Variants in SDK1 observed in about 807,000 individuals in gnomAD.
SDK1 encodes protein sidekick-1.
SDK1 carries 157 observed loss-of-function variants against 245.5 expected under a neutral mutation model. That is an observed-to-expected ratio of 0.64 (90% CI 0.56 to 0.73). SDK1 has a LOEUF of 0.73. SDK1 is among the 30% of genes least tolerant of loss of function. SDK1 has a pLI of 0.00. For synonymous variants in SDK1, 1,647 were observed against 1,278.5 expected, an observed-to-expected ratio of 1.29 and a Z score of -6.15; for missense variants, 3,583 against 3,002.3, an observed-to-expected ratio of 1.19 and a Z score of -4.52.
chr7:3,709,162 T>A (rs1201429917), intron 4 of SDK1, among the ~76,000 whole-genome samples: 1 of 152,260 alleles, frequency 6.6e-6, no homozygotes, highest in Non-Finnish European at 1.5e-5. Context: ...AGCATTTATT[T>A]GTCTGAAAAT....
At chr7:4,036,976 G>T (rs733858) in intron 17 of SDK1, among the ~76,000 whole-genome samples, 1 of 152,134 alleles carries the variant, frequency 6.6e-6, no homozygotes, top group Non-Finnish European at 1.5e-5. Flanking sequence ...GCCCAAAGAC[G>T]TCATTTAAGA....
At chr7:3,958,066 C>T (rs1249158918) in intron 7 of SDK1, 4 of 468,352 alleles carry the variant, frequency 8.5e-6, no homozygotes, top group Non-Finnish European at 1.8e-5. Context: ...AAGATACAGT[C>T]AATATAGGAG....
At chr7:3,445,719 T>C (rs1780322510) in intron 1 of SDK1, among the ~76,000 whole-genome samples, 1 of 152,192 alleles carries the variant, frequency 6.6e-6, no homozygotes, top group African/African-American at 2.4e-5. Context: ...ATAACTGTCT[T>C]ACATATTTCT....
At chr7:4,124,185 A>G (rs1283895809) in intron 25 of SDK1, among the ~76,000 whole-genome samples, 1 of 152,248 alleles carries the variant, frequency 6.6e-6, no homozygotes, top group Non-Finnish European at 1.5e-5. Context: ...TAGGATGCAC[A>G]TGAACCCTGG....
At position 4,174,273 on chromosome 7, in the gene SDK1, T is replaced by C. The variant is rs1208988166; in HGVS notation, c.4852T>C (p.Tyr1618His). 1 of 1,613,980 alleles carries C rather than the reference T, an allele frequency of 6.2e-7. No individual in the cohort carries two copies. The highest frequency in any genetic ancestry group is 1.7e-5 in the Admixed American group (1 of 60,026). The change falls in exon 33 of 45, where the codon TAC becomes CAC. Residue 1618 changes from tyrosine (Y) to histidine (H), a missense_variant. Tyr to His is a moderately conservative substitution (Grantham distance 83). Coordinates refer to ENST00000404826, the MANE Select transcript of SDK1 (RefSeq NM_152744.4). ...CCTTCTTCAGGGATACAGGATCTAC[T>C]ACAGGGAGCTGGAGTATGAAGCCGG... The part of the protein sequence containing the change: ...NGLLQGYRIY[Y>H]RELEYEAGSG...
At chr7:3,560,530 C>T (rs762788007) in intron 1 of SDK1, among the ~76,000 whole-genome samples, 10 of 152,108 alleles carry the variant, frequency 6.6e-5, no homozygotes, top group African/African-American at 2.4e-4. Flanking sequence ...ACTACTGCTA[C>T]CAATCTGCCG....
intron 39 of SDK1, 139 bp downstream of exon 39, chr7:4,220,409 G>A: frequency 2.3e-6 from 2 of 861,660 alleles, no homozygotes; most frequent in Non-Finnish European, 3.5e-6. Flanking sequence ...GGGGATGTCT[G>A]GGCAACATGG....
At chr7:3,400,629 C>T (rs1269961539) in intron 1 of SDK1, among the ~76,000 whole-genome samples, 2 of 152,084 alleles carry the variant, frequency 1.3e-5, no homozygotes, top group African/African-American at 4.8e-5. Flanking sequence ...ATAGTGGTTA[C>T]CTCAGATGGT....
chr7:3,686,321 C>G (rs959844571), intron 4 of SDK1, among the ~76,000 whole-genome samples: 2 of 152,206 alleles, frequency 1.3e-5, no homozygotes, highest in African/African-American at 4.8e-5. Flanking sequence ...GGTGATCCAC[C>G]TGCCTTGGCC....
Position 3,387,572 on chromosome 7 carries a change from G to C in SDK1, c.298+85688G>C, listed in dbSNP as rs367853070. On this transcript the variant is annotated intron_variant, in intron 1 of 44. Transcript: ENST00000404826. ...TTAATCCTGTACCCAGGTCTGTTGT[G>C]AGGATAAATGGTAATTCCCATTGCA... Among the ~76,000 whole-genome samples, 63 of 152,296 alleles carry C rather than the reference G, an allele frequency of 4.1e-4. No homozygotes were observed. In the South Asian group the frequency reaches 0.012, roughly 29 times the overall value.
intron 22 of SDK1, among the ~76,000 whole-genome samples, chr7:4,099,968 G>A (rs555632546): frequency 6.6e-6 from 1 of 152,134 alleles, no homozygotes; most frequent in African/African-American, 2.4e-5. Flanking sequence ...TGTGGTCCTC[G>A]CTATGTGGAC....
intron 5 of SDK1, among the ~76,000 whole-genome samples, chr7:3,852,113 G>A (rs951180628): frequency 2.0e-5 from 3 of 151,960 alleles, no homozygotes; most frequent in Admixed American, 6.6e-5. Flanking sequence ...TTAGAGGACC[G>A]GCCTCAGTGC....
intron 4 of SDK1, among the ~76,000 whole-genome samples, chr7:3,744,903 A>C (rs1308439223): frequency 6.6e-6 from 1 of 152,208 alleles, no homozygotes; most frequent in East Asian, 1.9e-4. Flanking sequence ...ATCCAAAATA[A>C]AGAACTGCTT....
chr7:3,837,733 G>C (rs1190541907), intron 5 of SDK1, among the ~76,000 whole-genome samples: 1 of 152,172 alleles, frequency 6.6e-6, no homozygotes, highest in East Asian at 1.9e-4. Flanking sequence ...TTGAATACTT[G>C]AAATGTTACT....
chr7:3,736,703 C>G (rs1243790119), intron 4 of SDK1, among the ~76,000 whole-genome samples: 1 of 152,142 alleles, frequency 6.6e-6, no homozygotes, highest in East Asian at 1.9e-4. Context: ...CAGCGTGATG[C>G]TTTGATATAC....
chr7:3,447,145 T>G (rs1356919668), intron 1 of SDK1, among the ~76,000 whole-genome samples: 1 of 152,220 alleles, frequency 6.6e-6, no homozygotes, highest in Non-Finnish European at 1.5e-5. Flanking sequence ...GATTTATAAT[T>G]CAGTATTGTT....
At chr7:4,089,815 C>A (rs1354410969) in intron 22 of SDK1, among the ~76,000 whole-genome samples, 1 of 152,218 alleles carries the variant, frequency 6.6e-6, no homozygotes, top group Non-Finnish European at 1.5e-5. Context: ...ACAGAGAATT[C>A]CCCTCCACCC....
intron 1 of SDK1, among the ~76,000 whole-genome samples, chr7:3,600,683 G>A (rs1038030738): frequency 1.3e-5 from 2 of 151,206 alleles, no homozygotes; most frequent in African/African-American, 4.9e-5. Context: ...CATGTAGCTG[G>A]GACTACAGGC....
At chr7:3,510,451 A>T (rs926052449) in intron 1 of SDK1, among the ~76,000 whole-genome samples, 1 of 152,220 alleles carries the variant, frequency 6.6e-6, no homozygotes, top group Non-Finnish European at 1.5e-5. Context: ...CTGAAAAATC[A>T]CTGACGTGAG....
Sources: allele counts gnomAD v4.1 joint callset (sites outside exome capture counted in the v4.1 genomes callset), GRCh38; gene constraint gnomAD v4.1.1; transcripts MANE v1.5; gene names NCBI Gene and HGNC (gene_info 2026-07-23, HGNC 2026-07-21).